The following UNC13C variants were observed in gnomAD, a reference collection of about 807,000 sequenced individuals.
The protein encoded by UNC13C is unc-13 homolog C.
Under a neutral mutation model 245.4 loss-of-function variants are expected in UNC13C, and 174 were observed. The observed-to-expected ratio is 0.71, with a 90% CI of 0.63 to 0.80. The LOEUF (loss-of-function observed/expected upper bound fraction) is 0.80. Ranked by LOEUF, UNC13C falls within the 30% of genes least tolerant of loss-of-function variation. The probability of loss-of-function intolerance (pLI) is 0.00; values close to 1 mark genes in which losing one functional copy is unlikely to be tolerated. For synonymous variants in UNC13C, 992 were observed against 895.1 expected, an observed-to-expected ratio of 1.11 and a Z score of -1.93; for missense variants, 2,829 against 2,602.9, an observed-to-expected ratio of 1.09 and a Z score of -1.89.
At chr15:54,079,588 GA>G (rs964977997) in intron 2 of UNC13C, among the ~76,000 whole-genome samples, 13 of 151,902 alleles carry the variant, frequency 8.6e-5, no homozygotes, top group African/African-American at 1.9e-4. Flanking sequence ...AAATGGGATT[GA>G]GTTTTTCATT....
the UNC13C span, among the ~76,000 whole-genome samples, chr15:53,870,988 C>G: frequency 3.3e-5 from 5 of 152,056 alleles, no homozygotes; most frequent in Non-Finnish European, 7.4e-5. Flanking sequence ...CTATTGTCAT[C>G]CTCATGCCAT....
chr15:54,487,361 C>T (rs926102159), intron 19 of UNC13C, among the ~76,000 whole-genome samples: 8 of 152,008 alleles, frequency 5.3e-5, no homozygotes, highest in African/African-American at 1.9e-4. Flanking sequence ...TGGTATTTTG[C>T]TAAGATTTAA....
At chr15:54,222,480 C>A (rs1359815319) in intron 4 of UNC13C, among the ~76,000 whole-genome samples, 1 of 151,908 alleles carries the variant, frequency 6.6e-6, no homozygotes, top group Non-Finnish European at 1.5e-5. Flanking sequence ...TACACATTTT[C>A]TTTATTCATC....
intron 32 of UNC13C, among the ~76,000 whole-genome samples, chr15:54,625,309 T>TGAG (rs199619839): frequency 2.0e-5 from 3 of 151,024 alleles, no homozygotes; most frequent in Admixed American, 6.6e-5. Context: ...AACAGATGAG[T>TGAG]TTTCTATTGC....
the UNC13C span, among the ~76,000 whole-genome samples, chr15:53,903,912 C>A: frequency 6.6e-6 from 1 of 152,064 alleles, no homozygotes; most frequent in Non-Finnish European, 1.5e-5. Context: ...AGATAGAGAG[C>A]AATTAGTATT....
chr15:54,143,956 C>T (rs1174098938), intron 4 of UNC13C, among the ~76,000 whole-genome samples: 2 of 151,766 alleles, frequency 1.3e-5, no homozygotes, highest in Non-Finnish European at 2.9e-5. Context: ...CATTACATAC[C>T]CAAATAGAAT....
At chr15:54,202,315 A>C (rs565395859) in intron 4 of UNC13C, among the ~76,000 whole-genome samples, 1 of 152,056 alleles carries the variant, frequency 6.6e-6, no homozygotes, top group South Asian at 2.1e-4. Flanking sequence ...ACTAGAAAAA[A>C]CCATTGTAAG....
chr15:54,134,769 A>T (rs1307349558), intron 2 of UNC13C, among the ~76,000 whole-genome samples: 1 of 152,158 alleles, frequency 6.6e-6, no homozygotes, highest in African/African-American at 2.4e-5. Flanking sequence ...ATAATTCTGC[A>T]GTGAATATGG....
intron 18 of UNC13C, among the ~76,000 whole-genome samples, chr15:54,396,498 T>C (rs190975270): frequency 5.2e-4 from 79 of 151,818 alleles, no homozygotes; most frequent in African/African-American, 1.9e-3. Context: ...ATTGTACGTA[T>C]ATACCACAAT....
the UNC13C span, among the ~76,000 whole-genome samples, chr15:53,927,957 A>C: frequency 4.6e-5 from 7 of 152,308 alleles, no homozygotes; most frequent in Admixed American, 4.6e-4. Flanking sequence ...CAACTAGTTG[A>C]AATAGACATG....
At chr15:54,465,802 G>T (rs961639187) in intron 19 of UNC13C, among the ~76,000 whole-genome samples, 1 of 151,926 alleles carries the variant, frequency 6.6e-6, no homozygotes, top group Non-Finnish European at 1.5e-5. Context: ...AAGATATCAG[G>T]TTAAGACTAC....
intron 17 of UNC13C, among the ~76,000 whole-genome samples, chr15:54,378,469 G>A (rs966829339): frequency 2.6e-5 from 4 of 151,942 alleles, no homozygotes; most frequent in Non-Finnish European, 4.4e-5. Flanking sequence ...TCATATGCAT[G>A]TCTCTTGGAT....
At chr15:53,960,046 T>A in the UNC13C span, among the ~76,000 whole-genome samples, 12 of 152,284 alleles carry the variant, frequency 7.9e-5, no homozygotes, top group East Asian at 2.3e-3. Context: ...AACAGTGAGA[T>A]CACCCTCTCT....
At chr15:53,889,763 A>G in the UNC13C span, among the ~76,000 whole-genome samples, 2 of 152,148 alleles carry the variant, frequency 1.3e-5, no homozygotes, top group Admixed American at 6.5e-5. Context: ...TTTAGCATGA[A>G]GGGTGTTGAA....
rs1566905693 is a variant in UNC13C, at chr15:54,553,052, A to ATTACAATATATAATATATATTGTATTCTG, written c.5878-2379_5878-2378insTACAATATATAATATATATTGTATTCTGT. Among the ~76,000 whole-genome samples the ATTACAATATATAATATATATTGTATTCTG allele has an allele frequency of 6.0e-4, 23 of 38,532 alleles. 2 individuals carry two copies. The highest frequency in any genetic ancestry group is 2.2e-3 in the African/African-American group (21 of 9,580). The allele number at this position is 38,532 out of a possible 152,430, so 25.3% of individuals were successfully genotyped here. On this transcript the variant is annotated intron_variant, in intron 28 of 32. Coordinates refer to ENST00000260323, the MANE Select transcript of UNC13C (RefSeq NM_001080534.3). ...CAATATATAATATATATTGTATTCT[A>ATTACAATATATAATATATATTGTATTCTG]TATTACAATATATAATATATATTGT... is the stretch of plus-strand genomic sequence containing the variant.
At chr15:54,467,715 G>A (rs1892255656) in intron 19 of UNC13C, among the ~76,000 whole-genome samples, 1 of 151,540 alleles carries the variant, frequency 6.6e-6, no homozygotes, top group Non-Finnish European at 1.5e-5. Flanking sequence ...CCCACGTCTA[G>A]GTGAGATCAT....
At chr15:54,443,324 A>G (rs1263637432) in intron 19 of UNC13C, among the ~76,000 whole-genome samples, 1 of 151,904 alleles carries the variant, frequency 6.6e-6, no homozygotes, top group Non-Finnish European at 1.5e-5. Flanking sequence ...TCATCAAGCT[A>G]ATGGTTTATC....
the UNC13C span, among the ~76,000 whole-genome samples, chr15:53,870,001 T>A: frequency 5.9e-5 from 9 of 152,338 alleles, no homozygotes; most frequent in African/African-American, 2.2e-4. Flanking sequence ...CTAAGACTTT[T>A]GCAAAATCTT....
At chr15:54,203,484 G>GTGTGTGTATA (rs796426371) in intron 4 of UNC13C, among the ~76,000 whole-genome samples, 2 of 139,750 alleles carry the variant, frequency 1.4e-5, no homozygotes, top group Non-Finnish European at 3.1e-5. Flanking sequence ...ATGTGTGTGT[G>GTGTGTGTATA]TATATATATA....
Sources: allele counts gnomAD v4.1 joint callset (sites outside exome capture counted in the v4.1 genomes callset), GRCh38; gene constraint gnomAD v4.1.1; transcripts MANE v1.5; gene names NCBI Gene and HGNC (gene_info 2026-07-23, HGNC 2026-07-21).